Variants in PDE4D observed in about 807,000 individuals in gnomAD.
PDE4D encodes the protein phosphodiesterase 4D.
PDE4D carries 24 observed loss-of-function variants against 87.4 expected under a neutral mutation model. The observed-to-expected ratio is 0.27, with a 90% CI of 0.20 to 0.39. PDE4D has a LOEUF of 0.39. Among genes scored for constraint, PDE4D ranks in the 10% least tolerant of loss-of-function variants. The probability of loss-of-function intolerance (pLI) is 1.00; values close to 1 mark genes in which losing one functional copy is unlikely to be tolerated. For missense variants in PDE4D, 714 were observed against 1,041.0 expected (o/e 0.69, Z 4.32); for synonymous variants, 384 against 383.2 (o/e 1.00, Z -0.02).
At chr5:59,479,048 A>G (rs1263632313) in intron 1 of PDE4D, among the ~76,000 whole-genome samples, 1 of 152,134 alleles carries the variant, frequency 6.6e-6, no homozygotes, top group Non-Finnish European at 1.5e-5. Context: ...ACGTCATAAA[A>G]TATGACAAAA....
At chr5:59,127,487 T>C (rs1420417464) in intron 5 of PDE4D, among the ~76,000 whole-genome samples, 1 of 151,910 alleles carries the variant, frequency 6.6e-6, no homozygotes, top group Non-Finnish European at 1.5e-5. Flanking sequence ...TGTGTGTGAG[T>C]GAGCGGGCGT....
intron 2 of PDE4D, among the ~76,000 whole-genome samples, chr5:60,000,148 A>G (rs1763893899): frequency 6.6e-6 from 1 of 152,166 alleles, no homozygotes; most frequent in Non-Finnish European, 1.5e-5. Flanking sequence ...AGATGATAGA[A>G]AGAGAGAAGG....
intron 1 of PDE4D, among the ~76,000 whole-genome samples, chr5:59,270,655 C>T (rs1763640341): frequency 1.3e-5 from 2 of 152,146 alleles, no homozygotes; most frequent in Non-Finnish European, 2.9e-5. Flanking sequence ...TTTTCAACAA[C>T]CAACAACGTC....
At chr5:59,168,653 G>A (rs1041337211) in intron 5 of PDE4D, among the ~76,000 whole-genome samples, 14 of 151,930 alleles carry the variant, frequency 9.2e-5, no homozygotes, top group African/African-American at 3.4e-4. Flanking sequence ...TTTGTTTTCT[G>A]TTCTCAAAAG....
chr5:60,178,978 T>A (rs1486137513), intron 2 of PDE4D, among the ~76,000 whole-genome samples: 1 of 152,118 alleles, frequency 6.6e-6, no homozygotes, highest in East Asian at 1.9e-4. Context: ...TAGATTGTAT[T>A]AAATTCAGGA....
chr5:59,187,959 T>A (rs981618319), intron 3 of PDE4D, among the ~76,000 whole-genome samples: 1 of 152,294 alleles, frequency 6.6e-6, no homozygotes, highest in Non-Finnish European at 1.5e-5. Context: ...ATCACTGTTA[T>A]CACTGTGTTA....
At chr5:59,699,489 A>G (rs1448581169) in intron 1 of PDE4D, among the ~76,000 whole-genome samples, 1 of 152,184 alleles carries the variant, frequency 6.6e-6, no homozygotes, top group Non-Finnish European at 1.5e-5. Context: ...TCTATTAAAA[A>G]GATGGTATTA....
chr5:59,441,380 A>T (rs2153636191), intron 1 of PDE4D, among the ~76,000 whole-genome samples: 1 of 152,328 alleles, frequency 6.6e-6, no homozygotes, highest in South Asian at 2.1e-4. Context: ...TACAGGCGTG[A>T]GCCACTGCAC....
chr5:60,122,212 C>T (rs1466120610), intron 2 of PDE4D, among the ~76,000 whole-genome samples: 1 of 152,150 alleles, frequency 6.6e-6, no homozygotes, highest in African/African-American at 2.4e-5. Flanking sequence ...ATGCTTCAAG[C>T]TGTCATTGGA....
intron 5 of PDE4D, chr5:59,174,551 G>A (rs1007876805): frequency 6.6e-6 from 1 of 152,572 alleles, no homozygotes; most frequent in Non-Finnish European, 1.5e-5. Context: ...TGCCTCTGGG[G>A]TATAAGCAGT....
chr5:60,188,546 TG>T (rs1042980293), intron 1 of PDE4D: 9 of 152,236 alleles, frequency 5.9e-5, no homozygotes, highest in African/African-American at 1.9e-4. Flanking sequence ...TACATCTGAC[TG>T]GTCAGCCTTC....
intron 2 of PDE4D, among the ~76,000 whole-genome samples, chr5:60,057,613 GT>G (rs1231858673): frequency 1.3e-5 from 2 of 152,012 alleles, no homozygotes; most frequent in South Asian, 2.1e-4. Flanking sequence ...CTAGTGTTGA[GT>G]TTTTGAGGAC....
At chr5:59,118,960 AGT>A (rs1774051996) in intron 5 of PDE4D, among the ~76,000 whole-genome samples, 1 of 152,214 alleles carries the variant, frequency 6.6e-6, no homozygotes, top group Non-Finnish European at 1.5e-5. Context: ...AATTGTATAA[AGT>A]GGGGTGGGGA....
intron 2 of PDE4D, among the ~76,000 whole-genome samples, chr5:60,075,274 A>G (rs1773164814): frequency 6.6e-6 from 1 of 152,126 alleles, no homozygotes; most frequent in Non-Finnish European, 1.5e-5. Flanking sequence ...TATGACACTT[A>G]GTTTGGGCAG....
At chr5:59,111,291 C>T (rs575777988) in intron 5 of PDE4D, among the ~76,000 whole-genome samples, 1 of 152,322 alleles carries the variant, frequency 6.6e-6, no homozygotes, top group East Asian at 1.9e-4. Flanking sequence ...ATAGTTCCTG[C>T]AGATTTTCAA....
At chr5:60,391,809 T>C (rs61474228) in intron 1 of PDE4D, among the ~76,000 whole-genome samples, 7,897 of 152,234 alleles carry the variant, frequency 0.052, 262 homozygotes, top group East Asian at 0.12. Context: ...TGGGGGCCAT[T>C]ATTCTGCTCA....
At chr5:59,723,546 T>C (rs1170465258) in intron 1 of PDE4D, among the ~76,000 whole-genome samples, 1 of 152,150 alleles carries the variant, frequency 6.6e-6, no homozygotes, top group Non-Finnish European at 1.5e-5. Context: ...GAAGTTGTGA[T>C]GTGTGAGACT....
In PDE4D at chr5:59,831,808, G is replaced by C. The variant is rs140872537; in HGVS notation, c.455+61360C>G. ...GGTTGCCTAGTAGTTAGTCTCAAGA[G>C]AAATATGATCCCAGTAGAGTTGACG... On this transcript the variant is annotated intron_variant, in intron 1 of 14. Coordinates refer to ENST00000340635, the MANE Select transcript of PDE4D (RefSeq NM_001104631.2). Among the ~76,000 whole-genome samples, 4 of 152,130 alleles carry C rather than the reference G, an allele frequency of 2.6e-5. No individual in the cohort carries two copies. The East Asian group carries it at 5.8e-4, about 22-fold the overall frequency.
chr5:59,968,545 G>C (rs905334324), intron 3 of PDE4D, among the ~76,000 whole-genome samples: 8 of 151,836 alleles, frequency 5.3e-5, no homozygotes, highest in African/African-American at 1.9e-4. Flanking sequence ...TAACAAATCT[G>C]TACAAATACC....
Sources: allele counts gnomAD v4.1 joint callset (sites outside exome capture counted in the v4.1 genomes callset), GRCh38; gene constraint gnomAD v4.1.1; transcripts MANE v1.5; gene names NCBI Gene and HGNC (gene_info 2026-07-23, HGNC 2026-07-21).